Variants in ERGIC2 observed in about 807,000 individuals in gnomAD.
The protein encoded by ERGIC2 is endoplasmic reticulum-Golgi intermediate compartment protein 2.
ERGIC2 carries 31 observed loss-of-function variants against 52.5 expected under a neutral mutation model. The observed-to-expected ratio is 0.59, with a 90% CI of 0.44 to 0.80. ERGIC2 has a LOEUF of 0.80. Ranked by LOEUF, ERGIC2 falls within the 30% of genes least tolerant of loss-of-function variation. The pLI, the probability that ERGIC2 is intolerant of heterozygous loss-of-function variation, is 0.00. For missense variants in ERGIC2, 395 were observed against 455.2 expected, an observed-to-expected ratio of 0.87 and a Z score of 1.20; for synonymous variants, 129 against 140.6, an observed-to-expected ratio of 0.92 and a Z score of 0.58.
chr12:29,379,417 A>C (rs1390691863), intron 1 of ERGIC2, among the ~76,000 whole-genome samples: 2 of 152,150 alleles, frequency 1.3e-5, no homozygotes, highest in Non-Finnish European at 2.9e-5. Context: ...GAAAACAAGC[A>C]ACTGGATAAT....
chr12:29,364,949 GAAA>G (rs71042989), intron 5 of ERGIC2, among the ~76,000 whole-genome samples: 2 of 118,546 alleles, frequency 1.7e-5, no homozygotes. Flanking sequence ...AAGTCAAAAA[GAAA>G]AAAAAAAAAA....
chr12:29,342,138 A>G (rs1373067837), intron 12 of ERGIC2, among the ~76,000 whole-genome samples: 2 of 152,056 alleles, frequency 1.3e-5, no homozygotes, highest in East Asian at 1.9e-4. Context: ...CAGCCTCCCA[A>G]TTAGCTGGGA....
chr12:29,342,798 A>T (rs981917940), intron 12 of ERGIC2, among the ~76,000 whole-genome samples: 1 of 152,196 alleles, frequency 6.6e-6, no homozygotes, highest in African/African-American at 2.4e-5. Context: ...ACTGATTAGA[A>T]AACCTCAGAA....
At chr12:29,368,732 C>T (rs918913818) in intron 3 of ERGIC2, among the ~76,000 whole-genome samples, 1 of 151,856 alleles carries the variant, frequency 6.6e-6, no homozygotes, top group Non-Finnish European at 1.5e-5. Context: ...CTCCTTTATT[C>T]TATATCATGG....
chr12:29,341,431 TAC>T (rs1267938738), intron 13 of ERGIC2, among the ~76,000 whole-genome samples: 2 of 119,058 alleles, frequency 1.7e-5, no homozygotes, highest in East Asian at 2.5e-4. Context: ...CAGTGGTACG[TAC>T]GATCATAGCT....
At position 29,340,787 on chromosome 12, in the gene ERGIC2, A is replaced by G; in HGVS notation, c.*369T>C. The G allele has an allele frequency of 2.4e-6, 1 of 421,874 alleles. No individual in the cohort carries two copies. Among genetic ancestry groups the G allele is most frequent in the Non-Finnish European group, 4.6e-6 (1 of 219,652 alleles). 26.1% of individuals were successfully genotyped at this position (421,874 alleles called of 1,614,324 possible). A position where few individuals can be genotyped will look rare whatever the true frequency, so the allele number is the denominator to read the frequency against. On this transcript the variant is annotated 3_prime_UTR_variant, in exon 14 of 14. Coordinates refer to ENST00000360150, the MANE Select transcript of ERGIC2 (RefSeq NM_016570.3). Reference sequence around the variant, plus strand: ...AGGATGCGAACATTTGCACTTCTCAATGTTTTTTTTTTTCCCATAGATGTA... The same window carrying G: ...AGGATGCGAACATTTGCACTTCTCAGTGTTTTTTTTTTTCCCATAGATGTA...
chr12:29,345,575 A>C, intron 10 of ERGIC2, 35 bp from the exon 11 acceptor site: 1 of 1,114,804 alleles, frequency 9.0e-7, no homozygotes, highest in East Asian at 2.3e-5. Flanking sequence ...TCAATTCAGT[A>C]GCAACAAAAC....
At chr12:29,363,379 G>T (rs1018369455) in intron 5 of ERGIC2, among the ~76,000 whole-genome samples, 1 of 151,672 alleles carries the variant, frequency 6.6e-6, no homozygotes, top group East Asian at 1.9e-4. Context: ...AAATTTTTAA[G>T]TTAAAATGAT....
rs1157755645 is a variant in ERGIC2, at chr12:29,338,232, A to G, written c.*2924T>C. 1 of 152,038 alleles carries G rather than the reference A, an allele frequency of 6.6e-6. No individual in the cohort carries two copies. Among genetic ancestry groups the G allele is most frequent in the East Asian group, 1.9e-4 (1 of 5,190 alleles). The allele number at this position is 152,038 out of a possible 1,614,324, so 9.4% of individuals were successfully genotyped here. On this transcript the variant is annotated 3_prime_UTR_variant, in exon 14 of 14. Coordinates refer to ENST00000360150, the MANE Select transcript of ERGIC2 (RefSeq NM_016570.3). ...TTCCTTCATGAATTCCAAAATTAAG[A>G]TTGTATTAAAGACTGTAAATCTTGT...
chr12:29,361,656 T>C lies in ERGIC2; in HGVS notation c.363A>G (p.Lys121=), dbSNP rs750539209. The C allele has an allele frequency of 6.2e-7, 1 of 1,606,576 alleles. No individual in the cohort carries two copies. The highest frequency in any genetic ancestry group is 1.1e-5 in the South Asian group (1 of 89,410). The change falls in exon 6 of 14, where the codon AAA becomes AAG. Residue 121 remains lysine, a synonymous_variant. Coordinates refer to ENST00000360150, the MANE Select transcript of ERGIC2 (RefSeq NM_016570.3). ...PTVFDLSPQQ[K]EWQRMLQLIQ... The stretch of plus-strand genomic sequence containing the variant: ...TGTTCTCTTATTACCTCTGCCACTC[T>C]TTCTGCTGTGGTGAAAGATCAAATA...
intron 1 of ERGIC2, among the ~76,000 whole-genome samples, chr12:29,378,780 C>A (rs1029497326): frequency 6.6e-6 from 1 of 151,940 alleles, no homozygotes; most frequent in East Asian, 1.9e-4. Flanking sequence ...AATCAGAAAA[C>A]CCTGATTACC....
chr12:29,368,212 T>C, intron 4 of ERGIC2, 29 bp downstream of exon 4: 1 of 1,421,992 alleles, frequency 7.0e-7, no homozygotes, highest in East Asian at 2.3e-5. Flanking sequence ...AACCTACATG[T>C]GGATTCAGCA....
intron 8 of ERGIC2, 127 bp from the exon 9 acceptor site, chr12:29,350,195 G>A (rs1940112764): frequency 1.7e-6 from 1 of 596,326 alleles, no homozygotes; most frequent in East Asian, 2.9e-5. Flanking sequence ...AATGCATTTG[G>A]CCTATTGACT....
intron 12 of ERGIC2, among the ~76,000 whole-genome samples, chr12:29,342,579 A>C (rs1333550480): frequency 2.0e-5 from 3 of 152,178 alleles, no homozygotes; most frequent in Non-Finnish European, 4.4e-5. Flanking sequence ...CAATTCGACA[A>C]ATAATCTTAG....
rs551915443 is a variant in ERGIC2, at chr12:29,357,750, C to T, written c.375-26G>A. On this transcript the variant is annotated intron_variant, in intron 6 of 13. Transcript: ENST00000360150. ...CTAAATAAGAAGCAATAATTTAGAA[C>T]TACAGAAAGGTACACAAAGAGAGCT... is the stretch of plus-strand genomic sequence containing the variant. The T allele has an allele frequency of 5.5e-5, 73 of 1,319,148 alleles. 1 individual carries two copies. The highest frequency in any genetic ancestry group is 4.6e-4 in the Admixed American group (27 of 58,674). 81.7% of individuals were successfully genotyped at this position (1,319,148 alleles called of 1,614,324 possible). A position where few individuals can be genotyped will look rare whatever the true frequency, so the allele number is the denominator to read the frequency against.
At chr12:29,373,684 T>G (rs557096222) in intron 1 of ERGIC2, among the ~76,000 whole-genome samples, 20 of 152,172 alleles carry the variant, frequency 1.3e-4, no homozygotes, top group Non-Finnish European at 2.6e-4. Context: ...GCCATTAAAA[T>G]CAACCAACTA....
chr12:29,348,430 AAG>A (rs1360780332), intron 10 of ERGIC2, among the ~76,000 whole-genome samples: 1 of 152,090 alleles, frequency 6.6e-6, no homozygotes, highest in Non-Finnish European at 1.5e-5. Context: ...CTATTTTAGA[AAG>A]AGGCAATCAA....
intron 6 of ERGIC2, among the ~76,000 whole-genome samples, chr12:29,361,250 C>CA (rs935758735): frequency 7.5e-5 from 11 of 145,770 alleles, no homozygotes; most frequent in South Asian, 2.2e-4. Context: ...GACTCTGTCT[C>CA]AAAAAAAAAA....
At position 29,339,126 on chromosome 12, in the gene ERGIC2, C is replaced by A. The variant is rs961039596; in HGVS notation, c.*2030G>T. ...CTATTTGAGGAGTTTCAGATGGAAG[C>A]CTTTAACTTTTAAAATGGAAATCAA... On this transcript the variant is annotated 3_prime_UTR_variant, in exon 14 of 14. Transcript: ENST00000360150. 4.6e-5 allele frequency: 7 copies of A among 152,076 alleles called. No individual in the cohort carries two copies. The highest frequency in any genetic ancestry group is 7.4e-5 in the Non-Finnish European group (5 of 68,000). The allele number at this position is 152,076 out of a possible 1,614,324, so 9.4% of individuals were successfully genotyped here. A position where few individuals can be genotyped will look rare whatever the true frequency, so the allele number is the denominator to read the frequency against.
Sources: gnomAD v4.1 joint callset for allele counts (sites outside exome capture counted in the v4.1 genomes callset) on GRCh38, gnomAD v4.1.1 for gene constraint, MANE v1.5 for transcripts, NCBI Gene and HGNC (gene_info 2026-07-23, HGNC 2026-07-21) for gene names.